The following AP5Z1 variants were observed in gnomAD, a reference collection of about 807,000 sequenced individuals.
AP5Z1 encodes the protein adaptor related protein complex 5 subunit zeta 1.
AP5Z1 carries 106 observed loss-of-function variants against 83.0 expected under a neutral mutation model. The observed-to-expected ratio is 1.28, with a 90% confidence interval of 1.09 to 1.50. The LOEUF is 1.50. Among genes scored for constraint, AP5Z1 ranks in the 40% most tolerant of loss-of-function variants. The pLI is 0.00. For missense variants in AP5Z1, 1,565 were observed against 1,094.2 expected (o/e 1.43, Z -6.07); for synonymous variants, 751 against 514.1 (o/e 1.46, Z -6.23).
chr7:4,790,143 A>C, intron 14 of AP5Z1: 2 of 1,480,492 alleles, frequency 1.4e-6, no homozygotes, highest in South Asian at 2.6e-5. Context: ...CTTTCTGCCG[A>C]GCCTGTCCTC....
intron 12 of AP5Z1, 118 bp from the exon 13 acceptor site, chr7:4,788,722 G>C (rs537810690): frequency 5.7e-6 from 5 of 884,832 alleles, no homozygotes; most frequent in South Asian, 3.7e-5. Context: ...CCCGAGAGGC[G>C]ATGAGTGAGG....
At chr7:4,784,740 G>A (rs879631134) in intron 6 of AP5Z1, among the ~76,000 whole-genome samples, 168 bp from the exon 7 acceptor site, 8 of 152,214 alleles carry the variant, frequency 5.3e-5, no homozygotes, top group African/African-American at 9.6e-5. Flanking sequence ...AAGGGCGGCC[G>A]TGATGGGGAA....
chr7:4,786,528 A>C (rs1040260765), intron 10 of AP5Z1, 100 bp downstream of exon 10: 1 of 1,390,924 alleles, frequency 7.2e-7, no homozygotes. Context: ...CTGGCTGAGC[A>C]TAGAGCCCTG....
chr7:4,778,528 GC>G (rs1781283573), intron 1 of AP5Z1, among the ~76,000 whole-genome samples: 1 of 152,004 alleles, frequency 6.6e-6, no homozygotes, highest in Non-Finnish European at 1.5e-5. Flanking sequence ...GGAAGGCGGG[GC>G]CGGGCTCTTG....
Position 4,792,372 on chromosome 7 carries a change from CG to C in AP5Z1, c.*989del, listed in dbSNP as rs1401710821. On this transcript the variant is annotated 3_prime_UTR_variant, in exon 17 of 17. Coordinates refer to ENST00000649063, the MANE Select transcript of AP5Z1 (RefSeq NM_014855.3). ...GCTCTGGCCCCGCCCACCTCCCCTC[CG>C]GCCTCGGCCCCGCCCCCAATCCCCC... 6.7e-6 allele frequency: 1 copy of C among 149,048 alleles called. No homozygotes were observed. The highest frequency in any genetic ancestry group is 1.5e-5 in the Non-Finnish European group (1 of 66,234). 9.2% of individuals were successfully genotyped at this position (149,048 alleles called of 1,614,324 possible).
intron 2 of AP5Z1, 74 bp downstream of exon 2, chr7:4,781,386 C>G: frequency 6.2e-7 from 1 of 1,601,854 alleles, no homozygotes; most frequent in Non-Finnish European, 8.5e-7. Context: ...CCCAGCAGGT[C>G]ACTGCAGATG....
At chr7:4,779,932 C>T (rs1031781538) in intron 1 of AP5Z1, among the ~76,000 whole-genome samples, 2 of 152,108 alleles carry the variant, frequency 1.3e-5, no homozygotes, top group African/African-American at 4.8e-5. Context: ...TGTGAGCCAC[C>T]GTGCGTGGCC....
intron 16 of AP5Z1, 55 bp downstream of exon 16, chr7:4,790,942 T>C: frequency 6.6e-7 from 1 of 1,511,056 alleles, no homozygotes; most frequent in Non-Finnish European, 8.9e-7. Flanking sequence ...GAGAGGTGGC[T>C]TCTGAGGTCT....
chr7:4,781,249 C>T lies in AP5Z1; in HGVS notation c.116C>T (p.Pro39Leu), dbSNP rs376905159. 9 of 1,613,756 alleles carry T rather than the reference C, an allele frequency of 5.6e-6. No homozygotes were observed. Among genetic ancestry groups the T allele is most frequent in the African/African-American group, 4.0e-5 (3 of 74,926 alleles). The part of the protein sequence containing the change: ...CKLLQAEDLG[P>L]DTLDSLQRLF... ...CTGCTGCAGGCGGAGGACTTGGGGC[C>T]GGACACCCTCGACTCCCTGCAGAGG... is the stretch of plus-strand genomic sequence containing the variant. Residue 39 changes from proline to leucine, a missense_variant, in exon 2 of 17, where the codon CCG (proline) becomes CTG (leucine). By Grantham distance (98) the Pro-to-Leu change is moderately conservative. Transcript: ENST00000649063.
chr7:4,791,635 T>G lies in AP5Z1; in HGVS notation c.*250T>G, dbSNP rs12154621. On this transcript the variant is annotated 3_prime_UTR_variant, in exon 17 of 17. Transcript: ENST00000649063. ...AGGGGTGCCATGGAGCGGCTCTGAT[T>G]GGAGGCTTGAGGCCCTGTGGCTGGG... 0.031 allele frequency: 17,752 copies of G among 566,660 alleles called. 454 individuals are homozygous for G. Among genetic ancestry groups the G allele is most frequent in the African/African-American group, 0.097 (5,191 of 53,486 alleles). The allele number at this position is 566,660 out of a possible 1,614,324, so 35.1% of individuals were successfully genotyped here.
chr7:4,792,205 C>G lies in AP5Z1; in HGVS notation c.*820C>G, dbSNP rs575429444. 5 of 152,360 alleles carry G rather than the reference C, an allele frequency of 3.3e-5. No homozygotes were observed. In the East Asian group the frequency reaches 9.7e-4, roughly 29 times the overall value. 9.4% of individuals were successfully genotyped at this position (152,360 alleles called of 1,614,324 possible). A position where few individuals can be genotyped will look rare whatever the true frequency, so the allele number is the denominator to read the frequency against. On this transcript the variant is annotated 3_prime_UTR_variant, in exon 17 of 17. Transcript: ENST00000649063. ...TCCCACCCTCCGGACTACCAAGGCACAGCTGTGTCGCACGTTCCGCCCGGT... is the reference window on the plus strand; with the variant it reads ...TCCCACCCTCCGGACTACCAAGGCAGAGCTGTGTCGCACGTTCCGCCCGGT...
At chr7:4,785,728 G>T in intron 9 of AP5Z1, 44 bp downstream of exon 9, 2 of 1,393,596 alleles carry the variant, frequency 1.4e-6, no homozygotes, top group South Asian at 1.7e-5. Flanking sequence ...CTCTGCTTCT[G>T]CCTTTAGTTT....
intron 14 of AP5Z1, 156 bp downstream of exon 14, chr7:4,790,085 C>A: frequency 5.4e-6 from 7 of 1,290,670 alleles, no homozygotes; most frequent in African/African-American, 1.6e-5. Flanking sequence ...CAGCCCCACA[C>A]CCAGCCCCAG....
chr7:4,782,009 C>T (rs1415561935), intron 3 of AP5Z1, among the ~76,000 whole-genome samples: 1 of 152,202 alleles, frequency 6.6e-6, no homozygotes, highest in Non-Finnish European at 1.5e-5. Context: ...AGCCTTGAGA[C>T]AGCGAGTCAG....
chr7:4,783,526 A>C, intron 4 of AP5Z1, 66 bp downstream of exon 4: 2 of 1,195,896 alleles, frequency 1.7e-6, no homozygotes, highest in Non-Finnish European at 1.2e-6. Context: ...CTGAGGGCCC[A>C]TGGTGGGTTG....
Position 4,791,330 on chromosome 7 carries a change from C to T in AP5Z1, c.2369C>T (p.Ala790Val), listed in dbSNP as rs940189405. The T allele has an allele frequency of 1.2e-5, 19 of 1,610,638 alleles. No individual in the cohort carries two copies. Among genetic ancestry groups the T allele is most frequent in the East Asian group, 4.5e-5 (2 of 44,788 alleles). The change falls in exon 17 of 17, where the codon GCC becomes GTC. Residue 790 changes from alanine to valine, a missense_variant. Physicochemically the swap from Ala to Val is moderately conservative, Grantham distance 64 (BLOSUM62 0). Transcript: ENST00000649063. ...GATGCCAACACGGCCCTGCCCCTGG[C>T]CCTGCGCACGGTCAGCCGGCTGGTG... ...HRDANTALPLALRTVSRLVER... is the reference protein window; with the variant it reads ...HRDANTALPLVLRTVSRLVER...
At position 4,792,472 on chromosome 7, in the gene AP5Z1, T is replaced by C. The variant is rs999407745; in HGVS notation, c.*1087T>C. 2.6e-5 allele frequency: 4 copies of C among 151,764 alleles called. No homozygotes were observed. Among genetic ancestry groups the C allele is most frequent in the Non-Finnish European group, 5.9e-5 (4 of 68,056 alleles). 9.4% of individuals were successfully genotyped at this position (151,764 alleles called of 1,614,324 possible). On this transcript the variant is annotated 3_prime_UTR_variant, in exon 17 of 17. Coordinates refer to ENST00000649063, the MANE Select transcript of AP5Z1 (RefSeq NM_014855.3). The stretch of plus-strand genomic sequence containing the variant: ...TGCCCCTTGCCCAGCCTCAGGACTA[T>C]GGAGGGGGCGAGTGACGCGCAAGGA...
At chr7:4,782,062 T>C (rs899510642) in intron 3 of AP5Z1, among the ~76,000 whole-genome samples, 2 of 152,176 alleles carry the variant, frequency 1.3e-5, no homozygotes, top group Non-Finnish European at 1.5e-5. Flanking sequence ...GTTTTTGTTT[T>C]GTTTTTTAGA....
chr7:4,781,510 G>A, intron 2 of AP5Z1, 58 bp from the exon 3 acceptor site: 2 of 1,574,790 alleles, frequency 1.3e-6, no homozygotes, highest in African/African-American at 1.3e-5. Flanking sequence ...TGGGGCACCG[G>A]GTGCTCCTGC....
Sources: gnomAD v4.1 joint callset for allele counts (sites outside exome capture counted in the v4.1 genomes callset) on GRCh38, gnomAD v4.1.1 for gene constraint, MANE v1.5 for transcripts, NCBI Gene and HGNC (gene_info 2026-07-23, HGNC 2026-07-21) for gene names.